CCDC3: variants seen among roughly 807,000 people sequenced by gnomAD.
CCDC3 encodes coiled-coil domain containing 3.
In CCDC3, 24 loss-of-function variants were observed where a neutral mutation model predicts 21.4. The observed-to-expected ratio is 1.12, with a 90% CI of 0.81 to 1.58. CCDC3 has a LOEUF of 1.58. Ranked by LOEUF, CCDC3 falls within the 40% of genes most tolerant of loss-of-function variation. CCDC3 has a pLI of 0.00. For missense variants in CCDC3, 425 were observed against 360.9 expected, an observed-to-expected ratio of 1.18 and a Z score of -1.44; for synonymous variants, 186 against 166.0, an observed-to-expected ratio of 1.12 and a Z score of -0.93.
intron 2 of CCDC3, among the ~76,000 whole-genome samples, chr10:12,930,530 GTCT>G (rs892135766): frequency 2.0e-5 from 3 of 152,194 alleles, no homozygotes; most frequent in Non-Finnish European, 4.4e-5. Flanking sequence ...GGGCACAATA[GTCT>G]TCTTTGTGCA....
intron 5 of CCDC3, among the ~76,000 whole-genome samples, chr10:13,015,681 T>C (rs1235676646): frequency 1.3e-5 from 2 of 152,008 alleles, no homozygotes; most frequent in African/African-American, 4.8e-5. Context: ...TATCAGACAC[T>C]GGAAAGATTC....
At chr10:13,075,348 T>C (rs1338386915) in intron 3 of CCDC3, among the ~76,000 whole-genome samples, 1 of 152,210 alleles carries the variant, frequency 6.6e-6, no homozygotes, top group Non-Finnish European at 1.5e-5. Flanking sequence ...GGTATTTTTG[T>C]TTCTTTGGCT....
chr10:13,090,064 T>G (rs372992839), intron 3 of CCDC3, among the ~76,000 whole-genome samples: 1,424 of 63,324 alleles, frequency 0.022, 52 homozygotes, highest in Non-Finnish European at 0.027. Context: ...TATATATATA[T>G]ATATATATAT....
chr10:13,056,886 GAATT>G lies in CCDC3; in HGVS notation c.-269-6949_-269-6946del, dbSNP rs1165350430. Among the ~76,000 whole-genome samples the G allele has an allele frequency of 2.0e-5, 3 of 152,288 alleles. No individual in the cohort carries two copies. The South Asian group carries it at 6.2e-4, about 32-fold the overall frequency. ...GTATGGTTGGTTTTAGCTTTCTGTG[GAATT>G]AATTAATTAAGGCAGCTGAGTATCA... On this transcript the variant is annotated intron_variant, in intron 4 of 6. Coordinates refer to the CCDC3 transcript ENST00000378839.
At chr10:12,968,145 G>A (rs1262460094) in intron 2 of CCDC3, among the ~76,000 whole-genome samples, 1 of 149,622 alleles carries the variant, frequency 6.7e-6, no homozygotes, top group Non-Finnish European at 1.5e-5. Flanking sequence ...CTCCAGCCTG[G>A]GTGAAAGAGC....
exon 5 of CCDC3, chr10:13,049,774 C>T (rs1198318888): frequency 6.6e-6 from 1 of 152,144 alleles, no homozygotes; most frequent in Non-Finnish European, 1.5e-5. Flanking sequence ...AGAGACAACA[C>T]CATCGACACC....
intron 2 of CCDC3, among the ~76,000 whole-genome samples, chr10:12,903,441 A>C (rs1167008480): frequency 6.6e-6 from 1 of 152,248 alleles, no homozygotes; most frequent in African/African-American, 2.4e-5. Flanking sequence ...AGGTCCAGAT[A>C]CGCTATTTGC....
intron 3 of CCDC3, among the ~76,000 whole-genome samples, chr10:13,075,438 T>G (rs975446285): frequency 6.1e-5 from 4 of 65,344 alleles, no homozygotes. Context: ...CAGACACGTT[T>G]GTTTTTTTGT....
rs534473889 is a variant in CCDC3, at chr10:13,037,022, C to G, written c.-2+12652G>C. 6.6e-5 allele frequency among the ~76,000 whole-genome samples: 10 copies of G among 151,654 alleles called. No homozygotes were observed. The South Asian group carries it at 1.9e-3, about 29-fold the overall frequency. Reference sequence around the variant, plus strand: ...CTGGTCTTGAATTCCTGGTCTCAAGCCATTCTCCTGCCTCAGCCTCCCAAA... The same window carrying G: ...CTGGTCTTGAATTCCTGGTCTCAAGGCATTCTCCTGCCTCAGCCTCCCAAA... On this transcript the variant is annotated intron_variant, in intron 5 of 6. Transcript: ENST00000378839.
At chr10:12,931,894 T>G (rs1834650313) in intron 2 of CCDC3, among the ~76,000 whole-genome samples, 1 of 152,220 alleles carries the variant, frequency 6.6e-6, no homozygotes, top group Admixed American at 6.5e-5. Context: ...AGAGGATTTG[T>G]GTATTTGGGT....
chr10:12,931,856 C>A (rs1429135771), intron 2 of CCDC3, among the ~76,000 whole-genome samples: 1 of 152,222 alleles, frequency 6.6e-6, no homozygotes, highest in Admixed American at 6.5e-5. Context: ...GGGGTCTCCA[C>A]TACCCAAAGG....
chr10:12,983,127 A>AATATAT (rs1564308414), intron 2 of CCDC3, among the ~76,000 whole-genome samples: 1 of 47,836 alleles, frequency 2.1e-5, no homozygotes, highest in Non-Finnish European at 4.3e-5. Context: ...TAAATAAAAT[A>AATATAT]GTGTATATAT....
At chr10:13,073,548 C>G (rs573503445) in intron 4 of CCDC3, among the ~76,000 whole-genome samples, 1 of 151,584 alleles carries the variant, frequency 6.6e-6, no homozygotes, top group African/African-American at 2.4e-5. Context: ...GTCACCCAGG[C>G]TGGCTCACTG....
At chr10:13,070,521 TC>T (rs1213342555) in intron 4 of CCDC3, among the ~76,000 whole-genome samples, 1 of 152,280 alleles carries the variant, frequency 6.6e-6, no homozygotes, top group Non-Finnish European at 1.5e-5. Context: ...TCGTACACAG[TC>T]CCCATACAGG....
chr10:12,929,656 G>C (rs1456376738), intron 2 of CCDC3, among the ~76,000 whole-genome samples: 1 of 152,140 alleles, frequency 6.6e-6, no homozygotes. Flanking sequence ...CACCTTCCCT[G>C]CCTCCCCAGG....
At chr10:12,970,662 G>C (rs1292059697) in intron 2 of CCDC3, among the ~76,000 whole-genome samples, 1 of 152,122 alleles carries the variant, frequency 6.6e-6, no homozygotes, top group African/African-American at 2.4e-5. Context: ...GGCAACTGGG[G>C]ATCACCTGAG....
chr10:12,928,894 A>C (rs1289701269), intron 2 of CCDC3, among the ~76,000 whole-genome samples: 2 of 152,144 alleles, frequency 1.3e-5, no homozygotes, highest in Admixed American at 6.5e-5. Flanking sequence ...CCAGGGGAGG[A>C]AAGAGCAAGC....
chr10:13,073,585 A>G (rs1265237380), intron 4 of CCDC3, among the ~76,000 whole-genome samples: 5 of 143,346 alleles, frequency 3.5e-5, no homozygotes, highest in Non-Finnish European at 7.8e-5. Context: ...GGCTCAAGCA[A>G]TCCTCCCACC....
At chr10:12,906,271 G>A (rs937693179) in intron 2 of CCDC3, among the ~76,000 whole-genome samples, 4 of 152,166 alleles carry the variant, frequency 2.6e-5, no homozygotes, top group Non-Finnish European at 4.4e-5. Flanking sequence ...TTGGCAGCTC[G>A]TTCTCTGCTC....
Sources: allele counts gnomAD v4.1 joint callset (sites outside exome capture counted in the v4.1 genomes callset), GRCh38; gene constraint gnomAD v4.1.1; transcripts MANE v1.5; gene names NCBI Gene and HGNC (gene_info 2026-07-23, HGNC 2026-07-21).